UNC5D: variants seen among roughly 807,000 people sequenced by gnomAD.
UNC5D encodes unc-5 netrin receptor D.
A neutral mutation model predicts 105.4 loss-of-function variants in UNC5D; 39 were observed. The ratio of observed to expected loss-of-function variants is 0.37; its 90% CI spans 0.29 to 0.48. The LOEUF (loss-of-function observed/expected upper bound fraction) is 0.48, where lower values mean the gene tolerates loss of function less well. UNC5D is among the 20% of genes least tolerant of loss of function. The probability of loss-of-function intolerance (pLI) is 0.98; values close to 1 mark genes in which losing one functional copy is unlikely to be tolerated. For synonymous variants in UNC5D, 452 were observed against 450.4 expected, an observed-to-expected ratio of 1.00 and a Z score of -0.04; for missense variants, 991 against 1,202.4, an observed-to-expected ratio of 0.82 and a Z score of 2.60.
intron 1 of UNC5D, among the ~76,000 whole-genome samples, chr8:35,431,481 C>G (rs1229335529): frequency 6.6e-6 from 1 of 151,912 alleles, no homozygotes; most frequent in African/African-American, 2.4e-5. Flanking sequence ...TTCAAGGCTC[C>G]TTAAGTAAAC....
At chr8:35,448,987 A>C (rs1021933439) in intron 1 of UNC5D, among the ~76,000 whole-genome samples, 1 of 152,130 alleles carries the variant, frequency 6.6e-6, no homozygotes, top group South Asian at 2.1e-4. Context: ...GTGTGAGGGC[A>C]AGAACCAAAT....
intron 4 of UNC5D, among the ~76,000 whole-genome samples, chr8:35,634,046 T>A (rs1446245356): frequency 6.6e-6 from 1 of 152,246 alleles, no homozygotes; most frequent in African/African-American, 2.4e-5. Context: ...TAAAAAATAC[T>A]GGCATTTGAT....
intron 1 of UNC5D, among the ~76,000 whole-genome samples, chr8:35,331,552 A>C (rs927846556): frequency 1.3e-5 from 2 of 152,148 alleles, no homozygotes; most frequent in African/African-American, 4.8e-5. Context: ...GTGGTTAGCC[A>C]GTGAGAAAAC....
chr8:35,666,316 C>A (rs1031498555), intron 4 of UNC5D, among the ~76,000 whole-genome samples: 1 of 151,836 alleles, frequency 6.6e-6, no homozygotes, highest in African/African-American at 2.4e-5. Context: ...TGGACTAATC[C>A]GTACATTGCA....
At chr8:35,706,517 AGAG>A (rs2131456538) in intron 8 of UNC5D, among the ~76,000 whole-genome samples, 1 of 152,204 alleles carries the variant, frequency 6.6e-6, no homozygotes, top group African/African-American at 2.4e-5. Context: ...AGAGCTGGAG[AGAG>A]GAGATGGCTG....
At position 35,327,462 on chromosome 8, in the gene UNC5D, G is replaced by A. The variant is rs145725143; in HGVS notation, c.103+91575G>A. On this transcript the variant is annotated intron_variant, in intron 1 of 16. Coordinates refer to ENST00000404895, the MANE Select transcript of UNC5D (RefSeq NM_080872.4). The stretch of plus-strand genomic sequence containing the variant: ...AGGTTTAAGAGAATTCTCAACTTAC[G>A]GAAAATATCACATAGTCCATATTTG... Among the ~76,000 whole-genome samples the A allele has an allele frequency of 1.2e-3, 182 of 152,214 alleles. 2 individuals are homozygous for A. The East Asian group carries it at 0.025, about 21-fold the overall frequency.
At chr8:35,593,046 TACACACACACACAC>T (rs200962371) in intron 3 of UNC5D, among the ~76,000 whole-genome samples, 27 of 141,226 alleles carry the variant, frequency 1.9e-4, no homozygotes, top group Admixed American at 7.2e-4. Flanking sequence ...GTAGTTTTTA[TACACACACACACAC>T]ACACACACAC....
intron 1 of UNC5D, among the ~76,000 whole-genome samples, chr8:35,460,475 C>T (rs1808811787): frequency 6.6e-6 from 1 of 152,144 alleles, no homozygotes; most frequent in Non-Finnish European, 1.5e-5. Flanking sequence ...ACCACAAAAC[C>T]TCTGAAATAC....
intron 4 of UNC5D, among the ~76,000 whole-genome samples, chr8:35,606,885 T>A (rs1271104670): frequency 1.3e-5 from 2 of 152,182 alleles, no homozygotes; most frequent in African/African-American, 4.8e-5. Flanking sequence ...GGACTGAGAT[T>A]GGTAGAGGAT....
chr8:35,553,859 T>C (rs1315892350), intron 2 of UNC5D, among the ~76,000 whole-genome samples: 1 of 152,184 alleles, frequency 6.6e-6, no homozygotes, highest in Non-Finnish European at 1.5e-5. Context: ...ACTGGATTCG[T>C]AAAATAATTC....
chr8:35,631,067 C>G lies in UNC5D; in HGVS notation c.570+35410C>G, dbSNP rs114125704. On this transcript the variant is annotated intron_variant, in intron 4 of 16. Transcript: ENST00000404895. ...GTGGCTCAAGCCTGTAATCCTAGCACTTTGGGAGGCCAAATAGGGCAGATT... is the reference window on the plus strand; with the variant it reads ...GTGGCTCAAGCCTGTAATCCTAGCAGTTTGGGAGGCCAAATAGGGCAGATT... Among the ~76,000 whole-genome samples, 935 of 152,334 alleles carry G rather than the reference C, an allele frequency of 6.1e-3. 10 individuals carry two copies. The highest frequency in any genetic ancestry group is 0.021 in the African/African-American group (890 of 41,588).
At chr8:35,733,016 G>A (rs1405346806) in intron 11 of UNC5D, among the ~76,000 whole-genome samples, 1 of 152,026 alleles carries the variant, frequency 6.6e-6, no homozygotes, top group East Asian at 1.9e-4. Flanking sequence ...TGTCTAGGAA[G>A]GTGGACAGAA....
chr8:35,346,949 C>T (rs143176822), intron 1 of UNC5D, among the ~76,000 whole-genome samples: 40 of 151,976 alleles, frequency 2.6e-4, no homozygotes, highest in African/African-American at 9.6e-4. Flanking sequence ...TGGACCTCTT[C>T]AGAGCAACAC....
intron 7 of UNC5D, among the ~76,000 whole-genome samples, chr8:35,689,074 T>C (rs1826218680): frequency 6.6e-6 from 1 of 152,212 alleles, no homozygotes; most frequent in African/African-American, 2.4e-5. Context: ...AATATAACTA[T>C]TTGGCTACTG....
intron 4 of UNC5D, among the ~76,000 whole-genome samples, chr8:35,682,165 A>G (rs879562917): frequency 6.6e-6 from 1 of 152,102 alleles, no homozygotes; most frequent in Admixed American, 6.5e-5. Flanking sequence ...GGGTTTCACC[A>G]TGTTGGTCAG....
chr8:35,746,399 C>G lies in UNC5D; in HGVS notation c.1767-2128C>G, dbSNP rs111722754. ...AAAATGGAGAGATTTTTGTGAAGTTCCGGTGAACTTCTGGTGAAGTTTTGT... is the reference window on the plus strand; with the variant it reads ...AAAATGGAGAGATTTTTGTGAAGTTGCGGTGAACTTCTGGTGAAGTTTTGT... On this transcript the variant is annotated intron_variant, in intron 11 of 16. Coordinates refer to ENST00000404895, the MANE Select transcript of UNC5D (RefSeq NM_080872.4). Among the ~76,000 whole-genome samples, 93 of 152,086 alleles carry G rather than the reference C, an allele frequency of 6.1e-4. 1 individual carries two copies. The East Asian group carries it at 0.018, about 29-fold the overall frequency.
chr8:35,628,238 A>T (rs889894071), intron 4 of UNC5D, among the ~76,000 whole-genome samples: 2 of 152,142 alleles, frequency 1.3e-5, no homozygotes, highest in Non-Finnish European at 2.9e-5. Flanking sequence ...GGTCCGACTG[A>T]TTCTCGTGCC....
At chr8:35,294,241 A>G (rs1807296427) in intron 1 of UNC5D, among the ~76,000 whole-genome samples, 1 of 152,202 alleles carries the variant, frequency 6.6e-6, no homozygotes, top group African/African-American at 2.4e-5. Flanking sequence ...TCCTGCCTTA[A>G]GTCCTGGTAA....
chr8:35,332,039 C>T (rs1267385526), intron 1 of UNC5D, among the ~76,000 whole-genome samples: 3 of 152,178 alleles, frequency 2.0e-5, no homozygotes, highest in Non-Finnish European at 4.4e-5. Context: ...TGAATCTTCA[C>T]ATGTCAGAAT....
Sources: gnomAD v4.1 joint callset for allele counts (sites outside exome capture counted in the v4.1 genomes callset) on GRCh38, gnomAD v4.1.1 for gene constraint, MANE v1.5 for transcripts, NCBI Gene and HGNC (gene_info 2026-07-23, HGNC 2026-07-21) for gene names.